Variants in PRR16 observed in about 807,000 individuals in gnomAD.
PRR16 encodes the protein protein Largen.
A neutral mutation model predicts 18.2 loss-of-function variants in PRR16; 6 were observed. The observed-to-expected ratio is 0.33, with a 90% CI of 0.18 to 0.65. The LOEUF (loss-of-function observed/expected upper bound fraction) is 0.65. PRR16 is among the 30% of genes least tolerant of loss of function. The pLI, the probability that PRR16 is intolerant of heterozygous loss-of-function variation, is 0.74. For missense variants in PRR16, 412 were observed against 376.6 expected, an observed-to-expected ratio of 1.09 and a Z score of -0.78; for synonymous variants, 151 against 147.8, an observed-to-expected ratio of 1.02 and a Z score of -0.16.
chr5:120,783,640 G>T, the PRR16 span, among the ~76,000 whole-genome samples: 1 of 152,012 alleles, frequency 6.6e-6, no homozygotes, highest in African/African-American at 2.4e-5. Flanking sequence ...TATTTTGATA[G>T]AAGTGTACAA....
intron 1 of PRR16, among the ~76,000 whole-genome samples, chr5:120,611,201 T>C (rs1029276610): frequency 6.6e-6 from 1 of 152,218 alleles, no homozygotes; most frequent in Non-Finnish European, 1.5e-5. Context: ...ACTTGGGTGC[T>C]GTTAAAAGCA....
the PRR16 span, among the ~76,000 whole-genome samples, chr5:120,724,018 C>T: frequency 3.3e-5 from 5 of 150,938 alleles, no homozygotes; most frequent in Non-Finnish European, 7.4e-5. Flanking sequence ...AAGTGGGTGA[C>T]CTCTGTTTGC....
At chr5:120,514,453 T>C (rs1353239940) in intron 1 of PRR16, among the ~76,000 whole-genome samples, 1 of 152,228 alleles carries the variant, frequency 6.6e-6, no homozygotes, top group East Asian at 1.9e-4. Context: ...TCCATTCTGC[T>C]TCCTTTTTAA....
intron 1 of PRR16, among the ~76,000 whole-genome samples, chr5:120,676,951 C>G (rs547460087): frequency 1.4e-4 from 22 of 152,192 alleles, no homozygotes; most frequent in African/African-American, 4.8e-4. Flanking sequence ...TAAATAAATA[C>G]CAAAGAGAAG....
intron 1 of PRR16, among the ~76,000 whole-genome samples, chr5:120,561,820 A>G (rs1249522724): frequency 6.6e-6 from 1 of 152,080 alleles, no homozygotes; most frequent in Non-Finnish European, 1.5e-5. Flanking sequence ...CTTTGCCCTC[A>G]TTCTTTCTCT....
intron 1 of PRR16, among the ~76,000 whole-genome samples, chr5:120,473,415 C>T (rs1278045978): frequency 6.6e-6 from 1 of 152,024 alleles, no homozygotes; most frequent in Non-Finnish European, 1.5e-5. Flanking sequence ...TGCTTTTTTT[C>T]AAATTGCTCT....
At chr5:120,696,755 G>A in the PRR16 span, among the ~76,000 whole-genome samples, 10 of 151,836 alleles carry the variant, frequency 6.6e-5, no homozygotes, top group South Asian at 2.1e-4. Context: ...AAGAAGGAGA[G>A]GAAGTGAAAA....
chr5:120,718,345 A>G, the PRR16 span, among the ~76,000 whole-genome samples: 110 of 152,242 alleles, frequency 7.2e-4, no homozygotes, highest in African/African-American at 2.6e-3. Flanking sequence ...TATACCAAGA[A>G]GACACACAAC....
rs111423499 is a variant in PRR16, at chr5:120,663,589, T to G, written c.160-22365T>G. Among the ~76,000 whole-genome samples, 925 of 152,328 alleles carry G rather than the reference T, an allele frequency of 6.1e-3. 17 individuals are homozygous for G. The highest frequency in any genetic ancestry group is 0.021 in the African/African-American group (861 of 41,584). On this transcript the variant is annotated intron_variant, in intron 1 of 1. Coordinates refer to ENST00000407149, the MANE Select transcript of PRR16 (RefSeq NM_001300783.2). ...AGAGATTTCATTCTTCATCATGCCA[T>G]CTTAAGTAGACTTTGTACTTTAGCT...
At chr5:120,681,304 T>C (rs79941804) in intron 1 of PRR16, among the ~76,000 whole-genome samples, 2,747 of 152,276 alleles carry the variant, frequency 0.018, 51 homozygotes, top group African/African-American at 0.044. Flanking sequence ...TAATTTTATA[T>C]CTGTTATTTC....
At chr5:120,485,956 A>G (rs947331599) in intron 1 of PRR16, among the ~76,000 whole-genome samples, 8 of 152,124 alleles carry the variant, frequency 5.3e-5, no homozygotes, top group Non-Finnish European at 1.0e-4. Flanking sequence ...AGCTTCATCC[A>G]TGTCCCTACA....
chr5:120,774,368 C>T, the PRR16 span, among the ~76,000 whole-genome samples: 1 of 152,078 alleles, frequency 6.6e-6, no homozygotes, highest in African/African-American at 2.4e-5. Context: ...AGAAAATTTT[C>T]TCATGAATTT....
chr5:120,552,205 G>C (rs942420740), intron 1 of PRR16, among the ~76,000 whole-genome samples: 2 of 151,826 alleles, frequency 1.3e-5, no homozygotes, highest in African/African-American at 2.4e-5. Context: ...AACCTCCCAT[G>C]GCTCTTTTTA....
intron 1 of PRR16, among the ~76,000 whole-genome samples, chr5:120,474,231 C>T (rs1749364105): frequency 6.6e-6 from 1 of 152,104 alleles, no homozygotes. Context: ...TACCTTTAAT[C>T]ACTGGCTCAG....
chr5:120,692,623 C>T, the PRR16 span, among the ~76,000 whole-genome samples: 1 of 152,196 alleles, frequency 6.6e-6, no homozygotes, highest in East Asian at 1.9e-4. Flanking sequence ...TCATACCCAT[C>T]ACAGTTTCAA....
chr5:120,550,439 A>G (rs1212450451), intron 1 of PRR16, among the ~76,000 whole-genome samples: 1 of 152,084 alleles, frequency 6.6e-6, no homozygotes, highest in African/African-American at 2.4e-5. Context: ...ATAACTGAAG[A>G]TGAAATAAAG....
chr5:120,606,946 A>G (rs1013298803), intron 1 of PRR16, among the ~76,000 whole-genome samples: 5 of 152,120 alleles, frequency 3.3e-5, no homozygotes, highest in Non-Finnish European at 5.9e-5. Flanking sequence ...TCCCTTACCT[A>G]ATATTATGTA....
intron 1 of PRR16, among the ~76,000 whole-genome samples, chr5:120,549,075 C>T (rs1752167581): frequency 6.6e-6 from 1 of 151,864 alleles, no homozygotes; most frequent in Non-Finnish European, 1.5e-5. Context: ...TTCCTCATAC[C>T]TCCAAGTTGC....
chr5:120,496,925 A>G (rs1019411190), intron 1 of PRR16, among the ~76,000 whole-genome samples: 14 of 152,022 alleles, frequency 9.2e-5, no homozygotes, highest in Admixed American at 5.2e-4. Flanking sequence ...AGTTCAGTGT[A>G]TTTTTTAATT....
Sources: allele counts gnomAD v4.1 joint callset (sites outside exome capture counted in the v4.1 genomes callset), GRCh38; gene constraint gnomAD v4.1.1; transcripts MANE v1.5; gene names NCBI Gene and HGNC (gene_info 2026-07-23, HGNC 2026-07-21).